The following STK3 variants were observed in gnomAD, a reference collection of about 807,000 sequenced individuals.
STK3 encodes serine/threonine-protein kinase 3.
In STK3, 41 loss-of-function variants were observed where a neutral mutation model predicts 58.0. That is an observed-to-expected ratio of 0.71 (90% CI 0.55 to 0.92). STK3 has a LOEUF of 0.92. Among genes scored for constraint, STK3 ranks in the 40% least tolerant of loss-of-function variants. The probability of loss-of-function intolerance (pLI) is 0.00; values close to 1 mark genes in which losing one functional copy is unlikely to be tolerated. For synonymous variants in STK3, 170 were observed against 191.0 expected, an observed-to-expected ratio of 0.89 and a Z score of 0.91; for missense variants, 479 against 602.7, an observed-to-expected ratio of 0.79 and a Z score of 2.15.
chr8:98,822,229 T>G (rs142596556), intron 1 of STK3, among the ~76,000 whole-genome samples: 287 of 152,354 alleles, frequency 1.9e-3, no homozygotes, highest in African/African-American at 6.4e-3. Context: ...ATATTTTTAT[T>G]AATATTTCTT....
At chr8:98,570,079 AATATAAATATATAATAAAT>A (rs1454695914) in intron 8 of STK3, among the ~76,000 whole-genome samples, 1 of 147,834 alleles carries the variant, frequency 6.8e-6, no homozygotes, top group African/African-American at 2.4e-5. Context: ...ATATTGTAAA[AATATAAATATATAATAAAT>A]ATATAAATAT....
chr8:98,827,748 G>A (rs139073935), upstream of STK3, among the ~76,000 whole-genome samples: 2,201 of 151,618 alleles, frequency 0.015, 47 homozygotes, highest in African/African-American at 0.051. Flanking sequence ...TCAACCTCCC[G>A]GGCTCAAGCA....
intron 6 of STK3, among the ~76,000 whole-genome samples, chr8:98,611,557 G>A (rs552297237): frequency 4.2e-4 from 64 of 152,132 alleles, no homozygotes; most frequent in Non-Finnish European, 8.2e-4. Context: ...TAAACCCTTA[G>A]ATTCTACCAT....
In STK3 at chr8:98,639,026, A is replaced by C. The variant is rs1819820920; in HGVS notation, c.685-42857T>G. ...ATTATGGGAAAGGATTACTGTTCTA[A>C]CAACTACGCATAAAGCTGTGAAAAG... On this transcript the variant is annotated intron_variant, in intron 6 of 10. Coordinates refer to ENST00000419617, the MANE Select transcript of STK3 (RefSeq NM_006281.4). 4.6e-5 allele frequency among the ~76,000 whole-genome samples: 7 copies of C among 152,302 alleles called. No individual in the cohort carries two copies. The South Asian group carries it at 1.0e-3, about 23-fold the overall frequency.
intron 2 of STK3, among the ~76,000 whole-genome samples, chr8:98,374,043 C>T (rs1436075680): frequency 1.3e-5 from 2 of 152,200 alleles, no homozygotes; most frequent in African/African-American, 2.4e-5. Flanking sequence ...GATACCCACC[C>T]ACAATGGAGA....
chr8:98,466,415 C>G (rs1169638864), intron 10 of STK3, among the ~76,000 whole-genome samples: 2 of 152,202 alleles, frequency 1.3e-5, no homozygotes, highest in African/African-American at 4.8e-5. Context: ...GATGATTTCA[C>G]TGATTTCTGG....
chr8:98,667,002 T>G (rs1244764598), intron 6 of STK3, among the ~76,000 whole-genome samples: 2 of 152,138 alleles, frequency 1.3e-5, no homozygotes, highest in Admixed American at 6.5e-5. Context: ...AAATCTCAAT[T>G]GTCAATAACT....
chr8:98,887,518 A>G (rs970872696), intron 1 of STK3, among the ~76,000 whole-genome samples: 2 of 152,246 alleles, frequency 1.3e-5, no homozygotes, highest in African/African-American at 2.4e-5. Context: ...TTTATGCAAT[A>G]TAAGTTATTT....
chr8:98,507,515 A>G (rs1824191804), intron 10 of STK3, among the ~76,000 whole-genome samples: 1 of 152,210 alleles, frequency 6.6e-6, no homozygotes, highest in African/African-American at 2.4e-5. Flanking sequence ...ATCAATTCTG[A>G]AATGTGGTCA....
chr8:98,783,090 G>T (rs569845400), intron 1 of STK3, among the ~76,000 whole-genome samples: 4 of 152,040 alleles, frequency 2.6e-5, no homozygotes, highest in South Asian at 2.1e-4. Flanking sequence ...CAGTGAGAAA[G>T]AATACTAAAA....
intron 8 of STK3, among the ~76,000 whole-genome samples, chr8:98,575,405 A>T (rs1157956258): frequency 1.3e-5 from 2 of 151,028 alleles, no homozygotes; most frequent in Admixed American, 1.3e-4. Context: ...AAAGTATACA[A>T]ATCAGTGGCA....
At chr8:98,435,535 C>T (rs1371247664) in intron 2 of STK3, among the ~76,000 whole-genome samples, 1 of 149,642 alleles carries the variant, frequency 6.7e-6, no homozygotes, top group South Asian at 2.1e-4. Flanking sequence ...TTTGAGGTCA[C>T]GGTCACAGTA....
chr8:98,773,424 GT>G (rs1030583313), intron 2 of STK3, among the ~76,000 whole-genome samples: 38 of 151,772 alleles, frequency 2.5e-4, no homozygotes, highest in Admixed American at 1.6e-3. Context: ...ATTACTTTCT[GT>G]TTTTTTATTT....
intron 6 of STK3, among the ~76,000 whole-genome samples, chr8:98,671,803 C>T (rs1477054552): frequency 6.6e-6 from 1 of 152,132 alleles, no homozygotes; most frequent in Non-Finnish European, 1.5e-5. Flanking sequence ...TGTATCCCCA[C>T]CCAAATCTTA....
intron 1 of STK3, among the ~76,000 whole-genome samples, chr8:98,903,557 C>CTACTTCTTCTTCT (rs1838763781): frequency 5.0e-4 from 5 of 9,928 alleles, no homozygotes; most frequent in African/African-American, 1.4e-3. Context: ...CTTCTTCTTC[C>CTACTTCTTCTTCT]TTTTTTTTTT....
chr8:98,931,271 A>G (rs778336052), intron 1 of STK3, among the ~76,000 whole-genome samples: 4 of 152,226 alleles, frequency 2.6e-5, no homozygotes, highest in African/African-American at 4.8e-5. Context: ...AATTTGGAAC[A>G]AATGTTTGGC....
intron 10 of STK3, among the ~76,000 whole-genome samples, chr8:98,490,823 C>T (rs187641402): frequency 1.7e-4 from 26 of 152,262 alleles, no homozygotes; most frequent in African/African-American, 4.6e-4. Context: ...TGATTTCTGA[C>T]GGCCCACAGG....
chr8:98,642,446 A>G (rs1292630556), intron 6 of STK3, among the ~76,000 whole-genome samples: 2 of 152,182 alleles, frequency 1.3e-5, no homozygotes, highest in African/African-American at 4.8e-5. Flanking sequence ...CACCCTTTAT[A>G]TAACATTATT....
intron 8 of STK3, among the ~76,000 whole-genome samples, chr8:98,556,746 T>C (rs1018411703): frequency 3.3e-5 from 5 of 152,038 alleles, no homozygotes; most frequent in African/African-American, 1.2e-4. Context: ...AGACGGTTAT[T>C]ACTAGAATCC....
Sources: allele counts gnomAD v4.1 joint callset (sites outside exome capture counted in the v4.1 genomes callset), GRCh38; gene constraint gnomAD v4.1.1; transcripts MANE v1.5; gene names NCBI Gene and HGNC (gene_info 2026-07-23, HGNC 2026-07-21).